TXNRD1: variants seen among roughly 807,000 people sequenced by gnomAD.
The protein encoded by TXNRD1 is thioredoxin reductase 1, also known as thioredoxin reductase 1, cytoplasmic.
TXNRD1 carries 57 observed loss-of-function variants against 80.3 expected under a neutral mutation model. That is an observed-to-expected ratio of 0.71 (90% CI 0.57 to 0.89). The LOEUF (loss-of-function observed/expected upper bound fraction) is 0.89, where lower values mean the gene tolerates loss of function less well. TXNRD1 is among the 40% of genes least tolerant of loss of function. TXNRD1 has a pLI of 0.00. For synonymous variants in TXNRD1, 291 were observed against 285.2 expected, an observed-to-expected ratio of 1.02 and a Z score of -0.20; for missense variants, 730 against 803.0, an observed-to-expected ratio of 0.91 and a Z score of 1.10.
chr12:104,280,420 G>A (rs10735392), intron 3 of TXNRD1: 137,752 of 152,366 alleles, frequency 0.9, 62,500 homozygotes, highest in Middle Eastern at 0.97. Flanking sequence ...CCATTGCTGG[G>A]TTCTTTTCCC....
intron 2 of TXNRD1, among the ~76,000 whole-genome samples, chr12:104,257,403 CTTTTTTTTT>C (rs57917719): frequency 1.3e-5 from 1 of 76,986 alleles, no homozygotes; most frequent in African/African-American, 4.9e-5. Flanking sequence ...TGTTCCAATG[CTTTTTTTTT>C]TTTTTTTTTT....
At chr12:104,308,542 T>G (rs549315906) in intron 4 of TXNRD1, among the ~76,000 whole-genome samples, 4 of 152,286 alleles carry the variant, frequency 2.6e-5, no homozygotes, top group African/African-American at 9.6e-5. Context: ...TTTAAGTTTC[T>G]TCTTAGTTTT....
At chr12:104,290,714 AATATACATATATATATATAT>A (rs1352882599) in intron 4 of TXNRD1, among the ~76,000 whole-genome samples, 517 of 49,138 alleles carry the variant, frequency 0.011, 16 homozygotes, top group African/African-American at 0.031. Flanking sequence ...AAAAAAAAGA[AATATACATATATATATATAT>A]ATATATATAT....
intron 3 of TXNRD1, among the ~76,000 whole-genome samples, chr12:104,276,863 G>A (rs1185170584): frequency 6.6e-6 from 1 of 152,220 alleles, no homozygotes; most frequent in Non-Finnish European, 1.5e-5. Context: ...CTGAGAACAT[G>A]TAAAGTTCCT....
At chr12:104,273,323 G>A (rs1368904138) in intron 3 of TXNRD1, among the ~76,000 whole-genome samples, 2 of 152,194 alleles carry the variant, frequency 1.3e-5, no homozygotes, top group Admixed American at 6.5e-5. Flanking sequence ...GCAGGGCGGG[G>A]TGGCTCAGGC....
At position 104,348,748 on chromosome 12, in the gene TXNRD1, G is replaced by T; in HGVS notation, c.*327G>T. ...AGTTTTAGCATGACCTTTCCTTGTG[G>T]ATTTTCTTATTCTCGTTGTCAAGTT... On this transcript the variant is annotated 3_prime_UTR_variant, in exon 17 of 17. Coordinates refer to ENST00000525566, the MANE Select transcript of TXNRD1 (RefSeq NM_001093771.3). 1 of 273,902 alleles carries T rather than the reference G, an allele frequency of 3.7e-6. No individual in the cohort carries two copies. The highest frequency in any genetic ancestry group is 6.9e-6 in the Non-Finnish European group (1 of 145,682). 17.0% of individuals were successfully genotyped at this position (273,902 alleles called of 1,614,324 possible). A position where few individuals can be genotyped will look rare whatever the true frequency, so the allele number is the denominator to read the frequency against.
At chr12:104,329,974 C>T (rs1220852104) in intron 13 of TXNRD1, among the ~76,000 whole-genome samples, 1 of 152,140 alleles carries the variant, frequency 6.6e-6, no homozygotes, top group Non-Finnish European at 1.5e-5. Flanking sequence ...GCCTCTTGGT[C>T]GATGTCTTAA....
intron 16 of TXNRD1, chr12:104,346,194 T>TA: frequency 3.5e-6 from 1 of 286,256 alleles, no homozygotes; most frequent in Non-Finnish European, 7.0e-6. Flanking sequence ...TATATATATA[T>TA]TTGAGACAGG....
chr12:104,241,832 C>T lies in TXNRD1; in HGVS notation c.92-9695C>T, dbSNP rs751725978. Among the ~76,000 whole-genome samples, 76 of 151,576 alleles carry T rather than the reference C, an allele frequency of 5.0e-4. 1 individual carries two copies. The highest frequency in any genetic ancestry group is 9.9e-4 in the Non-Finnish European group (67 of 67,950). ...GATTACAGGCGTGAGCCACCATGCT[C>T]AGTGAAAAGTCTGATTTCTTAAGTC... On this transcript the variant is annotated intron_variant, in intron 1 of 16. Coordinates refer to ENST00000525566, the MANE Select transcript of TXNRD1 (RefSeq NM_001093771.3).
At chr12:104,309,612 C>T in intron 4 of TXNRD1, 2 of 448,336 alleles carry the variant, frequency 4.5e-6, no homozygotes, top group African/African-American at 2.0e-5. Flanking sequence ...ATTTTTCCAG[C>T]AGAACATCTA....
At chr12:104,278,075 C>A (rs11111974) in intron 3 of TXNRD1, among the ~76,000 whole-genome samples, 12,308 of 151,198 alleles carry the variant, frequency 0.081, 759 homozygotes, top group African/African-American at 0.17. Context: ...GAGGGGGTTT[C>A]ATCGTGTTAG....
chr12:104,300,838 G>A (rs967843550), intron 4 of TXNRD1, among the ~76,000 whole-genome samples: 7 of 152,114 alleles, frequency 4.6e-5, no homozygotes, highest in African/African-American at 1.7e-4. Flanking sequence ...TAGAGACGTG[G>A]TTTCTCCATA....
intron 4 of TXNRD1, among the ~76,000 whole-genome samples, chr12:104,297,675 T>C (rs1186048237): frequency 6.6e-6 from 1 of 152,150 alleles, no homozygotes; most frequent in African/African-American, 2.4e-5. Context: ...TGATTTTGTT[T>C]TTAATGATGA....
chr12:104,313,794 A>C (rs539701274), intron 6 of TXNRD1, among the ~76,000 whole-genome samples: 312 of 152,342 alleles, frequency 2.0e-3, no homozygotes, highest in African/African-American at 7.2e-3. Context: ...CGGCATATTC[A>C]AAGTTCATGC....
chr12:104,297,358 A>ATTTATTTAT (rs1287784779), intron 4 of TXNRD1, among the ~76,000 whole-genome samples: 2 of 150,946 alleles, frequency 1.3e-5, no homozygotes, highest in Non-Finnish European at 3.0e-5. Flanking sequence ...ATAAATTTAT[A>ATTTATTTAT]TTTATTTATT....
intron 3 of TXNRD1, among the ~76,000 whole-genome samples, chr12:104,264,219 C>T (rs2033427089): frequency 1.3e-5 from 2 of 152,206 alleles, no homozygotes; most frequent in African/African-American, 2.4e-5. Flanking sequence ...TTTGCCTCTG[C>T]CTCACTTCCA....
chr12:104,236,947 C>A (rs548223472), intron 1 of TXNRD1, among the ~76,000 whole-genome samples: 1 of 151,664 alleles, frequency 6.6e-6, no homozygotes, highest in South Asian at 2.1e-4. Flanking sequence ...TCTTACCACT[C>A]TTAATGCATG....
chr12:104,260,385 T>C (rs1362487933), intron 3 of TXNRD1, among the ~76,000 whole-genome samples: 3 of 152,290 alleles, frequency 2.0e-5, no homozygotes, highest in Admixed American at 1.3e-4. Context: ...GAGAATTGCT[T>C]GGACCCGGGA....
intron 6 of TXNRD1, 71 bp downstream of exon 6, chr12:104,313,388 C>A: frequency 8.5e-7 from 1 of 1,169,604 alleles, no homozygotes; most frequent in Non-Finnish European, 1.2e-6. Context: ...CTAACTGGTT[C>A]CTAAAGCCTA....
Sources: allele counts gnomAD v4.1 joint callset (sites outside exome capture counted in the v4.1 genomes callset), GRCh38; gene constraint gnomAD v4.1.1; transcripts MANE v1.5; gene names NCBI Gene and HGNC (gene_info 2026-07-23, HGNC 2026-07-21).